PTPN7: variants seen among roughly 807,000 people sequenced by gnomAD.
PTPN7 encodes tyrosine-protein phosphatase non-receptor type 7.
A neutral mutation model predicts 50.3 loss-of-function variants in PTPN7; 33 were observed. The observed-to-expected ratio is 0.66, with a 90% CI of 0.50 to 0.88. PTPN7 has a LOEUF of 0.88. PTPN7 is among the 40% of genes least tolerant of loss of function. The pLI, the probability that PTPN7 is intolerant of heterozygous loss-of-function variation, is 0.00. For synonymous variants in PTPN7, 185 were observed against 186.6 expected, an observed-to-expected ratio of 0.99 and a Z score of 0.07; for missense variants, 412 against 475.4, an observed-to-expected ratio of 0.87 and a Z score of 1.24.
Position 202,159,553 on chromosome 1 carries a change from G to A in PTPN7, c.-52-99C>T, listed in dbSNP as rs201128816. On this transcript the variant is annotated intron_variant, in intron 1 of 9. Transcript: ENST00000691036. This position sits in a 1 kb window ranked among gnomAD's most constrained non-coding sequence, Gnocchi z 4.6. ...AGGTTTGCACTCTGTTTTCACTGGG[G>A]CGTCTTCTGTTCCCCAAGAGGTGGC... The A allele has an allele frequency of 2.1e-4, 321 of 1,512,350 alleles. No homozygotes were observed. The highest frequency in any genetic ancestry group is 2.6e-4 in the Non-Finnish European group (291 of 1,133,014). The allele number at this position is 1,512,350 out of a possible 1,614,324, so 93.7% of individuals were successfully genotyped here. A position where few individuals can be genotyped will look rare whatever the true frequency, so the allele number is the denominator to read the frequency against.
intron 9 of PTPN7, 125 bp from the exon 10 acceptor site, chr1:202,148,824 C>T: frequency 2.0e-6 from 1 of 496,556 alleles, no homozygotes; most frequent in Non-Finnish European, 3.4e-6. Flanking sequence ...ATGCCAACTC[C>T]TTTGCCTATA....
In PTPN7 at chr1:202,152,573, C is replaced by T. The variant is rs761513782; in HGVS notation, c.844G>A (p.Ala282Thr). Residue 282 changes from alanine to threonine, a missense_variant, in exon 8 of 10, where the codon GCC becomes ACC. Ala to Thr is a moderately conservative substitution (Grantham distance 58). Transcript: ENST00000691036. ...AEVEESPETA[A>T]HPGPIVVHCS... ...TGGACTACGATAGGCCCGGGGTGGG[C>T]GGCTGTCTCCGGGCTCTCCTCCACC... 2.3e-5 allele frequency: 37 copies of T among 1,613,374 alleles called. No homozygotes were observed. The South Asian group carries it at 2.5e-4, about 11-fold the overall frequency.
chr1:202,155,336 A>G (rs1304002121), intron 5 of PTPN7, among the ~76,000 whole-genome samples, 197 bp downstream of exon 5: 3 of 152,028 alleles, frequency 2.0e-5, no homozygotes, highest in African/African-American at 7.2e-5. Flanking sequence ...ATTTTTCAAC[A>G]TCTGCTCCGT....
rs1198595111 is a variant in PTPN7, at chr1:202,152,699, A to G, written c.718T>C (p.Tyr240His). The G allele has an allele frequency of 6.2e-7, 1 of 1,613,990 alleles. No individual in the cohort carries two copies. The highest frequency in any genetic ancestry group is 8.5e-7 in the Non-Finnish European group (1 of 1,179,962). ...TTTACTGACCGGCGCTCTTCCTGGT[A>G]CTGGATTGGAGACAAGGCATGAGAA... ...EYTVRQLTIQYQEERRSVKHI... is the reference protein window; with the variant it reads ...EYTVRQLTIQHQEERRSVKHI... The change falls in exon 8 of 10, where the codon TAC becomes CAC. Residue 240 changes from tyrosine to histidine, a missense_variant and splice_region_variant. Tyr to His is a moderately conservative substitution (Grantham distance 83). Transcript: ENST00000691036.
intron 8 of PTPN7, among the ~76,000 whole-genome samples, chr1:202,151,063 C>T (rs1349295325): frequency 6.6e-6 from 1 of 152,164 alleles, no homozygotes; most frequent in Admixed American, 6.5e-5. Flanking sequence ...AGGATATGCA[C>T]TCCCAAATGG....
chr1:202,150,604 G>A (rs1655895701), intron 8 of PTPN7, among the ~76,000 whole-genome samples, 180 bp from the exon 9 acceptor site: 1 of 152,196 alleles, frequency 6.6e-6, no homozygotes, highest in Admixed American at 6.5e-5. Context: ...CCCTGCTGGA[G>A]GCAGGTTTTA....
chr1:202,159,792 A>G lies in PTPN7; in HGVS notation c.-52-338T>C. On this transcript the variant is annotated intron_variant, in intron 1 of 9. Transcript: ENST00000691036. The surrounding 1 kb of genome is among the most constrained non-coding windows in gnomAD (Gnocchi z 4.6). ...AGTGGGAGAAGGCAAGGGAGGAAAC[A>G]GAAAATATGTGTTCTCTAGGACGGA... 5 of 1,214,950 alleles carry G rather than the reference A, an allele frequency of 4.1e-6. No individual in the cohort carries two copies. The highest frequency in any genetic ancestry group is 5.1e-6 in the Non-Finnish European group (5 of 974,124). 75.3% of individuals were successfully genotyped at this position (1,214,950 alleles called of 1,614,324 possible).
chr1:202,154,290 T>C lies in PTPN7; in HGVS notation c.502A>G (p.Thr168Ala). 6.2e-7 allele frequency: 1 copy of C among 1,613,868 alleles called. No homozygotes were observed. Among genetic ancestry groups the C allele is most frequent in the Non-Finnish European group, 8.5e-7 (1 of 1,179,938 alleles). Residue 168 changes from threonine to alanine, a missense_variant, in exon 6 of 10, where the codon ACC becomes GCC. By Grantham distance (58) the Thr-to-Ala change is moderately conservative. Coordinates refer to ENST00000691036, the MANE Select transcript of PTPN7 (RefSeq NM_002832.4). ...ACAGTGTTGGGCATGGGGCCCTGGG[T>C]GGCAATGTAGACCTTCTCCTTCCCG... ...YDGKEKVYIA[T>A]QGPMPNTVSD...
At chr1:202,157,296 G>A (rs947161294) in intron 4 of PTPN7, among the ~76,000 whole-genome samples, 1 of 152,196 alleles carries the variant, frequency 6.6e-6, no homozygotes, top group Non-Finnish European at 1.5e-5. Context: ...GATCACCTGA[G>A]GTCGGGAGTT....
chr1:202,148,722 C>T, intron 9 of PTPN7, 23 bp from the exon 10 acceptor site: 1 of 1,607,098 alleles, frequency 6.2e-7, no homozygotes, highest in African/African-American at 1.3e-5. Flanking sequence ...ACACACAGAC[C>T]ATGAGTGAAG....
At chr1:202,150,606 C>T (rs12090875) in intron 8 of PTPN7, among the ~76,000 whole-genome samples, 182 bp from the exon 9 acceptor site, 54,559 of 151,978 alleles carry the variant, frequency 0.36, 11,504 homozygotes, top group African/African-American at 0.58. Flanking sequence ...CTGCTGGAGG[C>T]AGGTTTTAAT....
Position 202,148,079 on chromosome 1 carries a change from T to G in PTPN7, c.*527A>C, listed in dbSNP as rs1655523034. 1 of 152,338 alleles carries G rather than the reference T, an allele frequency of 6.6e-6. No individual in the cohort carries two copies. The highest frequency in any genetic ancestry group is 2.4e-5 in the African/African-American group (1 of 41,438). 9.4% of individuals were successfully genotyped at this position (152,338 alleles called of 1,614,324 possible). ...TGAGACTTGGAGATCAGGACCAGAC[T>G]TTTCCCCATTCTTGCATCTGGCCTG... On this transcript the variant is annotated 3_prime_UTR_variant, in exon 10 of 10. Transcript: ENST00000691036.
chr1:202,159,433 C>T lies in PTPN7; in HGVS notation c.-31G>A, dbSNP rs528037100. On this transcript the variant is annotated 5_prime_UTR_variant, in exon 2 of 10. Transcript: ENST00000691036. This position sits in a 1 kb window ranked among gnomAD's most constrained non-coding sequence, Gnocchi z 4.6. ...GGTGGGGTGCTGGGCCCAGGGGAGG[C>T]TCACTCAGCCATGAGGTCTGCCTGA... 1 of 1,613,984 alleles carries T rather than the reference C, an allele frequency of 6.2e-7. No individual in the cohort carries two copies. Among genetic ancestry groups the T allele is most frequent in the South Asian group, 1.1e-5 (1 of 91,080 alleles).
At chr1:202,158,523 G>C in intron 2 of PTPN7, 4 of 489,856 alleles carry the variant, frequency 8.2e-6, no homozygotes, top group Non-Finnish European at 1.4e-5. Flanking sequence ...ACCACACCTG[G>C]CTAATTTAAG....
chr1:202,159,707 G>A lies in PTPN7; in HGVS notation c.-52-253C>T, dbSNP rs1218269415. 5 of 1,364,218 alleles carry A rather than the reference G, an allele frequency of 3.7e-6. No individual in the cohort carries two copies. Among genetic ancestry groups the A allele is most frequent in the Non-Finnish European group, 4.7e-6 (5 of 1,059,546 alleles). 84.5% of individuals were successfully genotyped at this position (1,364,218 alleles called of 1,614,324 possible). A position where few individuals can be genotyped will look rare whatever the true frequency, so the allele number is the denominator to read the frequency against. On this transcript the variant is annotated intron_variant, in intron 1 of 9. Transcript: ENST00000691036. This position sits in a 1 kb window ranked among gnomAD's most constrained non-coding sequence, Gnocchi z 4.6. ...GAAGATAGGAAAGAATCCAGAAGGA[G>A]GAAAAGAGAGAGGGGAGAGAGGCCA...
At position 202,155,756 on chromosome 1, in the gene PTPN7, GT is replaced by G. The variant is rs1656591226; in HGVS notation, c.392-148del. On this transcript the variant is annotated intron_variant, in intron 4 of 9. Coordinates refer to ENST00000691036, the MANE Select transcript of PTPN7 (RefSeq NM_002832.4). ...AGGTGGCCTTACACCCACTGAAGTTGTTGTTTTTGTTGTTGTTTTTAGAGAC... is the reference window on the plus strand; with the variant it reads ...AGGTGGCCTTACACCCACTGAAGTTGTGTTTTTGTTGTTGTTTTTAGAGAC... The G allele has an allele frequency of 3.1e-5, 20 of 651,696 alleles. No individual in the cohort carries two copies. In the Middle Eastern group the frequency reaches 3.5e-3, roughly 114 times the overall value. 40.4% of individuals were successfully genotyped at this position (651,696 alleles called of 1,614,324 possible).
rs780328661 is a variant in PTPN7, at chr1:202,152,536, A to G, written c.875+6T>C. 2 of 1,611,346 alleles carry G rather than the reference A, an allele frequency of 1.2e-6. No individual in the cohort carries two copies. Among genetic ancestry groups the G allele is most frequent in the Non-Finnish European group, 1.7e-6 (2 of 1,179,690 alleles). ...CACAGGCTGCAGTGAAGGGAGGGCC[A>G]CGCACCTGCAGTGGACTACGATAGG... On this transcript the variant is annotated splice_donor_region_variant and intron_variant, in intron 8 of 9. Transcript: ENST00000691036.
intron 5 of PTPN7, 152 bp downstream of exon 5, chr1:202,155,381 C>T: frequency 1.3e-6 from 1 of 754,276 alleles, no homozygotes; most frequent in Non-Finnish European, 2.1e-6. Context: ...TGTTCAGTAC[C>T]AGCCCAGCTT....
chr1:202,148,823 C>T (rs1369941084), intron 9 of PTPN7, 124 bp from the exon 10 acceptor site: 2 of 507,242 alleles, frequency 3.9e-6, no homozygotes, highest in Non-Finnish European at 6.6e-6. Context: ...CATGCCAACT[C>T]CTTTGCCTAT....
Sources: allele counts gnomAD v4.1 joint callset (sites outside exome capture counted in the v4.1 genomes callset), GRCh38; gene constraint gnomAD v4.1.1; non-coding constraint Gnocchi (gnomAD v3.1); transcripts MANE v1.5; gene names NCBI Gene and HGNC (gene_info 2026-07-23, HGNC 2026-07-21).